Variants in GPD2 observed in about 807,000 individuals in gnomAD.
GPD2 encodes glycerol-3-phosphate dehydrogenase, mitochondrial.
Under a neutral mutation model 82.4 loss-of-function variants are expected in GPD2, and 54 were observed. The observed-to-expected ratio is 0.66, with a 90% CI of 0.53 to 0.82. The LOEUF (loss-of-function observed/expected upper bound fraction) is 0.82. Ranked by LOEUF, GPD2 falls within the 40% of genes least tolerant of loss-of-function variation. The pLI, the probability that GPD2 is intolerant of heterozygous loss-of-function variation, is 0.00. For synonymous variants in GPD2, 288 were observed against 306.1 expected (o/e 0.94, Z 0.62); for missense variants, 748 against 896.2 (o/e 0.83, Z 2.11).
the GPD2 span, among the ~76,000 whole-genome samples, chr2:156,405,083 A>G: frequency 6.6e-6 from 1 of 152,124 alleles, no homozygotes. Context: ...TCCATTCAAG[A>G]GGTAGTTAGA....
intron 9 of GPD2, among the ~76,000 whole-genome samples, chr2:156,560,853 T>C (rs1438354135): frequency 1.3e-5 from 2 of 152,102 alleles, no homozygotes; most frequent in African/African-American, 2.4e-5. Flanking sequence ...CTGTTAAACA[T>C]ATTTTAATAT....
the GPD2 span, among the ~76,000 whole-genome samples, chr2:156,422,662 G>A: frequency 2.0e-5 from 3 of 151,782 alleles, no homozygotes; most frequent in African/African-American, 4.8e-5. Flanking sequence ...AACTCAGGAG[G>A]CGGACCTTGC....
intron 6 of GPD2, among the ~76,000 whole-genome samples, chr2:156,547,003 A>G (rs914879740): frequency 6.6e-6 from 1 of 152,244 alleles, no homozygotes; most frequent in Admixed American, 6.5e-5. Context: ...TAGAAAAAAA[A>G]CAAAGACAAA....
intron 6 of GPD2, among the ~76,000 whole-genome samples, chr2:156,522,779 A>G (rs573493041): frequency 6.6e-6 from 1 of 152,072 alleles, no homozygotes; most frequent in African/African-American, 2.4e-5. Flanking sequence ...AGGAAGAGGA[A>G]TCATAGCTAA....
At chr2:156,520,881 C>T (rs1169874755) in intron 6 of GPD2, among the ~76,000 whole-genome samples, 13 of 152,094 alleles carry the variant, frequency 8.5e-5, no homozygotes, top group Admixed American at 3.9e-4. Context: ...CCACCATGCC[C>T]GGCTGTTCAG....
chr2:156,521,505 G>A (rs890670910), intron 6 of GPD2, among the ~76,000 whole-genome samples: 3 of 152,032 alleles, frequency 2.0e-5, no homozygotes, highest in South Asian at 2.1e-4. Flanking sequence ...CATTACTCCC[G>A]TATTATTTTT....
chr2:156,467,857 C>T (rs921377916), intron 1 of GPD2, among the ~76,000 whole-genome samples: 12 of 152,208 alleles, frequency 7.9e-5, no homozygotes, highest in African/African-American at 2.9e-4. Context: ...TCAAAAAGTA[C>T]ACTTGAGGGC....
intron 3 of GPD2, among the ~76,000 whole-genome samples, chr2:156,508,796 C>CT (rs1209040215): frequency 9.2e-5 from 14 of 152,308 alleles, no homozygotes; most frequent in African/African-American, 3.1e-4. Flanking sequence ...GGTGATATAG[C>CT]TCACTGAGAT....
chr2:156,499,326 C>T (rs1684501633), intron 3 of GPD2, among the ~76,000 whole-genome samples: 1 of 151,964 alleles, frequency 6.6e-6, no homozygotes, highest in Non-Finnish European at 1.5e-5. Flanking sequence ...AATAGAAAGT[C>T]ACATAGAATC....
chr2:156,418,672 T>C, the GPD2 span, among the ~76,000 whole-genome samples: 47 of 152,230 alleles, frequency 3.1e-4, no homozygotes, highest in African/African-American at 1.1e-3. Flanking sequence ...TTATTTAACA[T>C]GTATACAAGG....
chr2:156,566,641 C>T (rs1687402024), intron 9 of GPD2, among the ~76,000 whole-genome samples: 1 of 152,056 alleles, frequency 6.6e-6, no homozygotes, highest in African/African-American at 2.4e-5. Context: ...TTTGCTTCTA[C>T]CTTTTGGCTA....
intron 3 of GPD2, among the ~76,000 whole-genome samples, chr2:156,497,010 G>T (rs1438086380): frequency 6.6e-6 from 1 of 152,162 alleles, no homozygotes; most frequent in East Asian, 1.9e-4. Context: ...GACATGTAAT[G>T]AAAGAAATTT....
chr2:156,496,189 G>A lies in GPD2; in HGVS notation c.248G>A (p.Gly83Asp), dbSNP rs1365706546. ...ATTGGAGGAGGAGCAACAGGAAGTG[G>A]CTGTGCGCTAGATGCTGTCACCAGA... ...LVIGGGATGS[G>D]CALDAVTRGL... Residue 83 changes from glycine (G) to aspartate (D), a missense_variant, in exon 3 of 17, where the codon GGC becomes GAC. Around this residue, in one of 3 missense-constraint regions of GPD2, gnomAD observed 692 missense variants for 809.7 expected, o/e 0.85. Transcript: ENST00000438166. The A allele has an allele frequency of 2.5e-6, 4 of 1,612,658 alleles. No homozygotes were observed. The African/African-American group carries it at 4.0e-5, about 16-fold the overall frequency.
At chr2:156,444,820 T>C (rs1682303575) in intron 1 of GPD2, among the ~76,000 whole-genome samples, 1 of 152,228 alleles carries the variant, frequency 6.6e-6, no homozygotes, top group South Asian at 2.1e-4. Flanking sequence ...GGCACATTTA[T>C]AGCTCACTGC....
the GPD2 span, among the ~76,000 whole-genome samples, chr2:156,412,431 C>T: frequency 6.4e-5 from 4 of 62,774 alleles, 1 homozygote; most frequent in South Asian, 1.8e-3. Flanking sequence ...AGTGAGACTT[C>T]GTCTGTAAAA....
intron 2 of GPD2, among the ~76,000 whole-genome samples, chr2:156,487,191 C>T (rs2105223174): frequency 6.6e-6 from 1 of 151,716 alleles, no homozygotes; most frequent in South Asian, 2.1e-4. Context: ...CGCCTGTAAT[C>T]CCAGCTACTG....
At chr2:156,506,059 T>TG (rs775523371) in intron 3 of GPD2, among the ~76,000 whole-genome samples, 11 of 152,368 alleles carry the variant, frequency 7.2e-5, no homozygotes, top group Middle Eastern at 3.4e-3. Flanking sequence ...GTTGCAGCTA[T>TG]GACTTCTAAT....
intron 8 of GPD2, among the ~76,000 whole-genome samples, chr2:156,556,686 C>T (rs1686975112): frequency 6.6e-6 from 1 of 152,100 alleles, no homozygotes; most frequent in Admixed American, 6.5e-5. Flanking sequence ...ATTTTCATTG[C>T]TAAAGTGTTC....
chr2:156,475,863 T>G (rs985599389), intron 1 of GPD2, among the ~76,000 whole-genome samples: 1 of 152,262 alleles, frequency 6.6e-6, no homozygotes, highest in Non-Finnish European at 1.5e-5. Flanking sequence ...TTTTCTTTCT[T>G]TAATTCCTGT....
Sources: allele counts gnomAD v4.1 joint callset (sites outside exome capture counted in the v4.1 genomes callset), GRCh38; gene constraint gnomAD v4.1.1; regional missense constraint gnomAD v4.1.1; transcripts MANE v1.5; gene names NCBI Gene and HGNC (gene_info 2026-07-23, HGNC 2026-07-21).